PANK2: variants seen among roughly 807,000 people sequenced by gnomAD.
PANK2 encodes the protein pantothenate kinase 2, mitochondrial.
Under a neutral mutation model 43.1 loss-of-function variants are expected in PANK2, and 36 were observed. That is an observed-to-expected ratio of 0.84 (90% confidence interval 0.64 to 1.10). The LOEUF is 1.10. PANK2 is among the 50% of genes least tolerant of loss of function. PANK2 has a pLI of 0.00. For synonymous variants in PANK2, 281 were observed against 238.2 expected, an observed-to-expected ratio of 1.18 and a Z score of -1.66; for missense variants, 576 against 593.3, an observed-to-expected ratio of 0.97 and a Z score of 0.30.
chr20:3,890,010 C>G (rs575036778), intron 1 of PANK2: 1 of 1,216,668 alleles, frequency 8.2e-7, no homozygotes, highest in Middle Eastern at 1.9e-4. Flanking sequence ...CTTGGGCATT[C>G]TCTTCCTGAG....
intron 1 of PANK2, among the ~76,000 whole-genome samples, chr20:3,900,406 A>G (rs1033321328): frequency 6.6e-6 from 1 of 151,600 alleles, no homozygotes; most frequent in Non-Finnish European, 1.5e-5. Context: ...TTACTGTACT[A>G]TGGCTCTTAA....
Position 3,889,387 on chromosome 20 carries a change from G to C in PANK2, c.-44G>C. The C allele has an allele frequency of 6.3e-7, 1 of 1,575,070 alleles. No homozygotes were observed. The highest frequency in any genetic ancestry group is 8.6e-7 in the Non-Finnish European group (1 of 1,162,324). ...GGCGGCCGGCCGAGGGCGCGCCTCT[G>C]CTCTGGCTGGACTGCCGCGGAGGAG... is the stretch of plus-strand genomic sequence containing the variant. On this transcript the variant is annotated 5_prime_UTR_variant, in exon 1 of 7. Transcript: ENST00000610179.
chr20:3,919,862 C>G (rs982392044), intron 6 of PANK2, among the ~76,000 whole-genome samples: 1 of 152,180 alleles, frequency 6.6e-6, no homozygotes, highest in Non-Finnish European at 1.5e-5. Flanking sequence ...ATTTGAAGTG[C>G]TAGAGATTAC....
chr20:3,889,810 T>C, intron 1 of PANK2, 82 bp downstream of exon 1: 1 of 1,519,598 alleles, frequency 6.6e-7, no homozygotes, highest in Non-Finnish European at 8.8e-7. Flanking sequence ...CCCGCCGCCG[T>C]TTTTCCCGCG....
intron 3 of PANK2, among the ~76,000 whole-genome samples, chr20:3,912,110 T>C (rs1186533386): frequency 6.6e-6 from 1 of 152,112 alleles, no homozygotes; most frequent in Non-Finnish European, 1.5e-5. Context: ...GGTGCTTGGA[T>C]GAGAATGACT....
intron 2 of PANK2, among the ~76,000 whole-genome samples, chr20:3,910,297 T>G (rs923878510): frequency 1.4e-5 from 2 of 147,884 alleles, no homozygotes; most frequent in African/African-American, 5.1e-5. Flanking sequence ...ATGCTGTGGT[T>G]TTTTTTTTTT....
Position 3,892,533 on chromosome 20 carries a change from C to T in PANK2, c.298+2805C>T, listed in dbSNP as rs149378922. Among the ~76,000 whole-genome samples, 244 of 151,688 alleles carry T rather than the reference C, an allele frequency of 1.6e-3. 2 individuals are homozygous for T. Among genetic ancestry groups the T allele is most frequent in the African/African-American group, 5.8e-3 (238 of 41,338 alleles). On this transcript the variant is annotated intron_variant, in intron 1 of 6. Coordinates refer to ENST00000610179, the MANE Select transcript of PANK2 (RefSeq NM_001386393.1). Reference sequence around the variant, plus strand: ...CTACTAAAAATACAAAAAAATTAGCCGGGTGTGGTGACGCGTGCCCGTAGT... The same window carrying T: ...CTACTAAAAATACAAAAAAATTAGCTGGGTGTGGTGACGCGTGCCCGTAGT...
chr20:3,915,517 C>T (rs1266003990), intron 4 of PANK2, among the ~76,000 whole-genome samples: 2 of 151,890 alleles, frequency 1.3e-5, no homozygotes, highest in African/African-American at 4.8e-5. Context: ...AGGATGGTCT[C>T]GATCTCTTGA....
chr20:3,890,522 A>G (rs2090105430), intron 1 of PANK2, among the ~76,000 whole-genome samples: 1 of 152,226 alleles, frequency 6.6e-6, no homozygotes, highest in African/African-American at 2.4e-5. Flanking sequence ...GCTGCCTGGC[A>G]GCCATTGCTG....
Position 3,929,726 on chromosome 20 carries a change from A to C in PANK2, c.*6432A>C, listed in dbSNP as rs2090792426. 2 of 152,366 alleles carry C rather than the reference A, an allele frequency of 1.3e-5. No homozygotes were observed. Among genetic ancestry groups the C allele is most frequent in the South Asian group, 4.1e-4 (2 of 4,830 alleles). 9.4% of individuals were successfully genotyped at this position (152,366 alleles called of 1,614,324 possible). ...CCACTGCTGTCAGCTACAGAGCCTG[A>C]TCTTGAGCATCCTGTCGCAGATAGA... is the stretch of plus-strand genomic sequence containing the variant. On this transcript the variant is annotated 3_prime_UTR_variant, in exon 7 of 7. Coordinates refer to ENST00000610179, the MANE Select transcript of PANK2 (RefSeq NM_001386393.1).
Position 3,889,545 on chromosome 20 carries a change from G to T in PANK2, c.115G>T (p.Glu39Ter), listed in dbSNP as rs528889529. The change falls in exon 1 of 7, where the codon GAG (glutamate) becomes TAG (stop). Residue 39 changes from glutamate (E) to a stop codon, truncating the protein, a stop_gained. Transcript: ENST00000610179. LOFTEE classifies it high-confidence loss of function. ...CGCCACCTCCGTCTCGTCGGCTGGG[G>T]AGCAGGCGGCCGGGGACCCCGAAGG... 1.4e-6 allele frequency: 2 copies of T among 1,422,662 alleles called. No homozygotes were observed. Among genetic ancestry groups the T allele is most frequent in the East Asian group, 5.6e-5 (2 of 35,400 alleles). 88.1% of individuals were successfully genotyped at this position (1,422,662 alleles called of 1,614,324 possible). A position where few individuals can be genotyped will look rare whatever the true frequency, so the allele number is the denominator to read the frequency against.
chr20:3,910,521 A>G (rs2090452039), intron 2 of PANK2, 56 bp from the exon 3 acceptor site: 1 of 1,602,684 alleles, frequency 6.2e-7, no homozygotes, highest in African/African-American at 1.3e-5. Flanking sequence ...ATTGAATGGA[A>G]TTTTTGTTTC....
chr20:3,921,099 G>A (rs1296165141), intron 6 of PANK2, among the ~76,000 whole-genome samples: 2 of 151,926 alleles, frequency 1.3e-5, no homozygotes, highest in Non-Finnish European at 2.9e-5. Flanking sequence ...TGTGCACAAC[G>A]CGCAGGTTTG....
At position 3,918,769 on chromosome 20, in the gene PANK2, G is replaced by A. The variant is rs1446046591; in HGVS notation, c.1305G>A (p.Gln435=). Residue 435 remains glutamine (Q), a synonymous_variant, in exon 6 of 7, where the codon CAG becomes CAA. Transcript: ENST00000610179. ...CTTTGGATTATTGGTCCAAGGGGCA[G>A]TTGAAAGCACTTTTTTCGGAACACG... 1 of 1,614,264 alleles carries A rather than the reference G, an allele frequency of 6.2e-7. No individual in the cohort carries two copies. The highest frequency in any genetic ancestry group is 2.2e-5 in the East Asian group (1 of 44,890).
rs977825428 is a variant in PANK2, at chr20:3,889,618, C to T, written c.188C>T (p.Pro63Leu). ...CGCCGGGCGAGCAGCGCGTCGGTGC[C>T]CGCGGTCGGGGCCTCGGCTGAGGGC... is the stretch of plus-strand genomic sequence containing the variant. Residue 63 changes from proline to leucine, a missense_variant, in exon 1 of 7, where the codon CCC becomes CTC. Physicochemically the swap from Pro to Leu is moderately conservative, Grantham distance 98. Coordinates refer to ENST00000610179, the MANE Select transcript of PANK2 (RefSeq NM_001386393.1). The T allele has an allele frequency of 1.6e-5, 25 of 1,542,122 alleles. No homozygotes were observed. The highest frequency in any genetic ancestry group is 2.1e-5 in the Non-Finnish European group (24 of 1,153,428).
intron 1 of PANK2, among the ~76,000 whole-genome samples, chr20:3,906,942 G>A (rs2090396296): frequency 1.3e-5 from 2 of 151,948 alleles, no homozygotes; most frequent in African/African-American, 4.8e-5. Context: ...GGGACTACAA[G>A]CGCACGCCAC....
chr20:3,919,018 C>G (rs929729583), intron 6 of PANK2, among the ~76,000 whole-genome samples: 1 of 152,142 alleles, frequency 6.6e-6, no homozygotes, highest in Non-Finnish European at 1.5e-5. Flanking sequence ...GCAGTCCTCC[C>G]ACCTCAGTCT....
intron 2 of PANK2, among the ~76,000 whole-genome samples, chr20:3,910,305 T>TG (rs1160766360): frequency 3.4e-5 from 5 of 145,218 alleles, no homozygotes; most frequent in East Asian, 2.0e-4. Context: ...GTTTTTTTTT[T>TG]TTGTTTTTTT....
At chr20:3,890,300 G>T (rs1288120411) in intron 1 of PANK2, among the ~76,000 whole-genome samples, 1 of 152,034 alleles carries the variant, frequency 6.6e-6, no homozygotes, top group East Asian at 1.9e-4. Flanking sequence ...TATCCCCTCC[G>T]TTTTCCTTCT....
Sources: gnomAD v4.1 joint callset for allele counts (sites outside exome capture counted in the v4.1 genomes callset) on GRCh38, gnomAD v4.1.1 for gene constraint, MANE v1.5 for transcripts, NCBI Gene and HGNC (gene_info 2026-07-23, HGNC 2026-07-21) for gene names.